The following PPM1E variants were observed in gnomAD, a reference collection of about 807,000 sequenced individuals.
The protein encoded by PPM1E is protein phosphatase, Mg2+/Mn2+ dependent 1E, also known as protein phosphatase 1E.
PPM1E carries 20 observed loss-of-function variants against 65.9 expected under a neutral mutation model. That is an observed-to-expected ratio of 0.30 (90% CI 0.21 to 0.44). The LOEUF (loss-of-function observed/expected upper bound fraction) is 0.44, where lower values mean the gene tolerates loss of function less well. PPM1E is among the 20% of genes least tolerant of loss of function. The probability of loss-of-function intolerance (pLI) is 1.00; values close to 1 mark genes in which losing one functional copy is unlikely to be tolerated. For synonymous variants in PPM1E, 352 were observed against 374.9 expected, an observed-to-expected ratio of 0.94 and a Z score of 0.70; for missense variants, 713 against 953.1, an observed-to-expected ratio of 0.75 and a Z score of 3.32.
chr17:58,815,887 A>G (rs2050410036), intron 1 of PPM1E, among the ~76,000 whole-genome samples: 1 of 152,122 alleles, frequency 6.6e-6, no homozygotes, highest in Non-Finnish European at 1.5e-5. Context: ...CATATTTGAA[A>G]ATATTTCCTT....
At chr17:58,769,821 G>A (rs995555344) in intron 1 of PPM1E, among the ~76,000 whole-genome samples, 2 of 152,034 alleles carry the variant, frequency 1.3e-5, no homozygotes, top group Non-Finnish European at 2.9e-5. Flanking sequence ...GAGGTCAGGA[G>A]TTCGAGACCA....
At chr17:58,812,303 CAAAAAAAAAAAA>C (rs35132799) in intron 1 of PPM1E, among the ~76,000 whole-genome samples, 16 of 49,784 alleles carry the variant, frequency 3.2e-4, no homozygotes, top group South Asian at 3.1e-3. Context: ...GACTCTGTTT[CAAAAAAAAAAAA>C]AAAAAAAAAA....
intron 1 of PPM1E, among the ~76,000 whole-genome samples, chr17:58,811,946 G>A (rs1288272467): frequency 6.6e-6 from 1 of 152,094 alleles, no homozygotes. Flanking sequence ...TGGGATTACA[G>A]GTGTGAGACA....
rs192677001 is a variant in PPM1E at position 58,946,561 on chromosome 17, T to C, written c.465-9088T>C. The stretch of plus-strand genomic sequence containing the variant: ...GCCTTGGACTCTGGGCTTAAAGCGA[T>C]CTTCCTGCCTCAGCCTCCCAATTAG... On this transcript the variant is annotated intron_variant, in intron 1 of 6. Coordinates refer to ENST00000308249, the MANE Select transcript of PPM1E (RefSeq NM_014906.5). Among the ~76,000 whole-genome samples the C allele has an allele frequency of 3.2e-3, 489 of 152,254 alleles. 1 individual carries two copies. Among genetic ancestry groups the C allele is most frequent in the African/African-American group, 0.011 (460 of 41,532 alleles).
intron 1 of PPM1E, among the ~76,000 whole-genome samples, chr17:58,805,118 GT>G (rs879504422): frequency 6.6e-6 from 1 of 151,404 alleles, no homozygotes; most frequent in Non-Finnish European, 1.5e-5. Context: ...TTTTTATATA[GT>G]TTTTTTTATT....
At chr17:58,837,499 CTT>C (rs570230875) in intron 1 of PPM1E, among the ~76,000 whole-genome samples, 30 of 131,194 alleles carry the variant, frequency 2.3e-4, no homozygotes, top group Admixed American at 3.1e-4. Flanking sequence ...AATCATGAGG[CTT>C]TTTTTTTTTT....
At chr17:58,902,899 A>G (rs779937947) in intron 1 of PPM1E, among the ~76,000 whole-genome samples, 1 of 152,196 alleles carries the variant, frequency 6.6e-6, no homozygotes, top group Non-Finnish European at 1.5e-5. Flanking sequence ...GGCAAGATAT[A>G]TAAAATTATT....
At chr17:58,900,753 T>G (rs1381729482) in intron 1 of PPM1E, among the ~76,000 whole-genome samples, 1 of 152,194 alleles carries the variant, frequency 6.6e-6, no homozygotes, top group Non-Finnish European at 1.5e-5. Context: ...TTGGAGCTAT[T>G]ACAAACAACG....
chr17:58,831,582 T>C (rs1028611549), intron 1 of PPM1E, among the ~76,000 whole-genome samples: 2 of 152,222 alleles, frequency 1.3e-5, no homozygotes, highest in African/African-American at 4.8e-5. Flanking sequence ...TTCTTCTGTA[T>C]AATTTCAATG....
intron 1 of PPM1E, among the ~76,000 whole-genome samples, chr17:58,788,615 A>G (rs1017547095): frequency 6.6e-6 from 1 of 152,202 alleles, no homozygotes; most frequent in African/African-American, 2.4e-5. Flanking sequence ...AGAATGTTCA[A>G]TTTGTTTCTG....
intron 1 of PPM1E, among the ~76,000 whole-genome samples, chr17:58,766,484 G>A (rs1376940510): frequency 1.3e-5 from 2 of 151,974 alleles, no homozygotes; most frequent in Non-Finnish European, 2.9e-5. Flanking sequence ...ACAGGTGTGA[G>A]CTACTGCACC....
chr17:58,858,698 C>A (rs1567855486), intron 1 of PPM1E, among the ~76,000 whole-genome samples: 1 of 152,058 alleles, frequency 6.6e-6, no homozygotes, highest in Non-Finnish European at 1.5e-5. Context: ...ACCACATTTT[C>A]TTTATCTATT....
intron 1 of PPM1E, among the ~76,000 whole-genome samples, chr17:58,887,745 G>T (rs1044882534): frequency 1.3e-5 from 2 of 152,208 alleles, no homozygotes; most frequent in Non-Finnish European, 2.9e-5. Flanking sequence ...CCCTGAGTGA[G>T]ATGGGAAGGC....
chr17:58,880,729 T>A (rs1255290134), intron 1 of PPM1E, among the ~76,000 whole-genome samples: 2 of 152,066 alleles, frequency 1.3e-5, no homozygotes, highest in Non-Finnish European at 2.9e-5. Flanking sequence ...GCTAAAGTGA[T>A]CATCCCACCT....
At chr17:58,770,865 T>C (rs2049930764) in intron 1 of PPM1E, among the ~76,000 whole-genome samples, 1 of 151,676 alleles carries the variant, frequency 6.6e-6, no homozygotes, top group African/African-American at 2.4e-5. Flanking sequence ...CTTTTCTTTT[T>C]TTTTTTTTTT....
intron 1 of PPM1E, among the ~76,000 whole-genome samples, chr17:58,777,217 C>G (rs1226551682): frequency 6.6e-6 from 1 of 152,086 alleles, no homozygotes; most frequent in Non-Finnish European, 1.5e-5. Context: ...CAGAGTGAGA[C>G]CTTGTCCCCC....
At chr17:58,765,709 C>T (rs12952429) in intron 1 of PPM1E, among the ~76,000 whole-genome samples, 45,111 of 151,768 alleles carry the variant, frequency 0.3, 7,196 homozygotes, top group Middle Eastern at 0.48. Context: ...AAAGAATAAT[C>T]TCCTGGTTAG....
intron 1 of PPM1E, among the ~76,000 whole-genome samples, chr17:58,854,885 T>C (rs1235554788): frequency 6.6e-6 from 1 of 152,178 alleles, no homozygotes; most frequent in Non-Finnish European, 1.5e-5. Context: ...CAGGGCAAAC[T>C]GCTGCTCCCA....
chr17:58,775,796 C>A (rs940328655), intron 1 of PPM1E, among the ~76,000 whole-genome samples: 1 of 150,150 alleles, frequency 6.7e-6, no homozygotes, highest in Non-Finnish European at 1.5e-5. Flanking sequence ...CGCCTGTAGT[C>A]CCAGCTACTC....
Sources: allele counts gnomAD v4.1 joint callset (sites outside exome capture counted in the v4.1 genomes callset), GRCh38; gene constraint gnomAD v4.1.1; transcripts MANE v1.5; gene names NCBI Gene and HGNC (gene_info 2026-07-23, HGNC 2026-07-21).